The following KLRG1 variants were observed in gnomAD, a reference collection of about 807,000 sequenced individuals.
KLRG1 encodes killer cell lectin-like receptor subfamily G member 1.
In KLRG1, 16 loss-of-function variants were observed where a neutral mutation model predicts 21.8. The observed-to-expected ratio is 0.73, with a 90% confidence interval of 0.50 to 1.11. The LOEUF (loss-of-function observed/expected upper bound fraction) is 1.11. Ranked by LOEUF, KLRG1 falls within the 50% of genes most tolerant of loss-of-function variation. The pLI is 0.00. For missense variants in KLRG1, 173 were observed against 218.3 expected (o/e 0.79, Z 1.31); for synonymous variants, 69 against 75.9 (o/e 0.91, Z 0.47).
the KLRG1 span, among the ~76,000 whole-genome samples, chr12:9,197,882 TTAA>T: frequency 1.3e-4 from 16 of 122,880 alleles, no homozygotes; most frequent in African/African-American, 3.5e-4. Flanking sequence ...AATATAAATA[TTAA>T]TAATATATAA....
chr12:9,150,592 A>G, the KLRG1 span: 1 of 1,191,576 alleles, frequency 8.4e-7, no homozygotes, highest in Admixed American at 2.0e-5. Flanking sequence ...CTGTCACAAC[A>G]GGATCCATTT....
At chr12:9,205,526 T>C in the KLRG1 span, among the ~76,000 whole-genome samples, 2 of 152,134 alleles carry the variant, frequency 1.3e-5, no homozygotes, top group African/African-American at 4.8e-5. Flanking sequence ...TCCCCAAAAC[T>C]TGAATCCATA....
At chr12:9,185,790 ATTTCT>A in the KLRG1 span, among the ~76,000 whole-genome samples, 19 of 134,320 alleles carry the variant, frequency 1.4e-4, no homozygotes, top group South Asian at 9.7e-4. Context: ...TATGTTCAAC[ATTTCT>A]TTTCTTTTCT....
the KLRG1 span, chr12:9,093,643 A>G: frequency 1.2e-6 from 1 of 844,034 alleles, no homozygotes; most frequent in Non-Finnish European, 1.7e-6. Context: ...AGAGAATGTA[A>G]TAGTTGCCAC....
At chr12:9,213,414 G>A in the KLRG1 span, among the ~76,000 whole-genome samples, 1 of 152,220 alleles carries the variant, frequency 6.6e-6, no homozygotes, top group Admixed American at 6.5e-5. Flanking sequence ...ATTTTTCACA[G>A]TGGCTGAAAC....
At chr12:9,023,873 T>C in the KLRG1 span, among the ~76,000 whole-genome samples, 2 of 152,132 alleles carry the variant, frequency 1.3e-5, no homozygotes, top group African/African-American at 4.8e-5. Flanking sequence ...ATATAACTTT[T>C]ATACATGGTG....
chr12:9,153,157 T>G, the KLRG1 span: 1 of 1,614,176 alleles, frequency 6.2e-7, no homozygotes, highest in South Asian at 1.1e-5. Context: ...CCAGTTACTG[T>G]TATGACATAT....
the KLRG1 span, among the ~76,000 whole-genome samples, chr12:9,108,928 T>C: frequency 1.5e-4 from 23 of 152,330 alleles, no homozygotes; most frequent in African/African-American, 4.6e-4. Flanking sequence ...CTGTTGATGA[T>C]TGAATTTCCC....
chr12:9,157,763 C>T, the KLRG1 span: 15 of 1,612,918 alleles, frequency 9.3e-6, no homozygotes, highest in Non-Finnish European at 1.3e-5. Flanking sequence ...GAGCTGGTAC[C>T]TACAGTGACT....
At chr12:9,154,310 A>G in the KLRG1 span, among the ~76,000 whole-genome samples, 1 of 152,212 alleles carries the variant, frequency 6.6e-6, no homozygotes, top group Admixed American at 6.5e-5. Context: ...GTGGCTCGAA[A>G]TGTCAATAGT....
chr12:9,093,440 A>C, the KLRG1 span: 1 of 1,505,658 alleles, frequency 6.6e-7, no homozygotes, highest in Non-Finnish European at 9.2e-7. Context: ...ATTGTTGCAT[A>C]TTGCATATGC....
rs35591560 is a variant in KLRG1 at position 9,010,186 on chromosome 12, TAA to T, written c.*663_*664del. ...GGGAGATAGAGCAAGACTCCATCTCTAAAAAAAAAAAAAAATGCTAATGTGAG... is the reference window on the plus strand; with the variant it reads ...GGGAGATAGAGCAAGACTCCATCTCTAAAAAAAAAAAAATGCTAATGTGAG... On this transcript the variant is annotated 3_prime_UTR_variant, in exon 5 of 5. Coordinates refer to ENST00000356986, the MANE Select transcript of KLRG1 (RefSeq NM_005810.4). 0.024 allele frequency: 9,833 copies of T among 408,492 alleles called. No homozygotes were observed. Among genetic ancestry groups the T allele is most frequent in the South Asian group, 0.035 (754 of 21,484 alleles). 25.3% of individuals were successfully genotyped at this position (408,492 alleles called of 1,614,324 possible).
At chr12:9,212,225 C>T in the KLRG1 span, among the ~76,000 whole-genome samples, 1 of 152,120 alleles carries the variant, frequency 6.6e-6, no homozygotes, top group Admixed American at 6.5e-5. Context: ...CACTGGGTCC[C>T]TGAGTGGGCA....
At chr12:9,153,390 A>G in the KLRG1 span, 4,722 of 1,527,228 alleles carry the variant, frequency 3.1e-3, 129 homozygotes, top group African/African-American at 0.057. Flanking sequence ...AATTTTTGGC[A>G]TCTGGGATTT....
At chr12:9,107,499 C>G in the KLRG1 span, 1 of 1,612,690 alleles carries the variant, frequency 6.2e-7, no homozygotes, top group African/African-American at 1.3e-5. Context: ...TCGCTATTCT[C>G]TAGAAAAAAT....
At chr12:9,063,767 G>A in the KLRG1 span, among the ~76,000 whole-genome samples, 1 of 152,024 alleles carries the variant, frequency 6.6e-6, no homozygotes, top group Non-Finnish European at 1.5e-5. Flanking sequence ...TTTACTCTGC[G>A]GTGAGTTTTT....
chr12:9,095,447 T>C, the KLRG1 span: 1 of 1,259,056 alleles, frequency 7.9e-7, no homozygotes. Flanking sequence ...TACCCTCAAC[T>C]AGGACATGAA....
At chr12:9,115,263 C>G in the KLRG1 span, 1 of 154,048 alleles carries the variant, frequency 6.5e-6, no homozygotes, top group Non-Finnish European at 1.4e-5. Context: ...ACCACCTCAT[C>G]TGCAAAAGGA....
chr12:8,988,519 C>G (rs759580492), upstream of KLRG1: 1 of 152,286 alleles, frequency 6.6e-6, no homozygotes, highest in African/African-American at 2.4e-5. Context: ...CTTATGCAGT[C>G]TATCTTGATG....
Sources: allele counts gnomAD v4.1 joint callset (sites outside exome capture counted in the v4.1 genomes callset), GRCh38; gene constraint gnomAD v4.1.1; transcripts MANE v1.5; gene names NCBI Gene and HGNC (gene_info 2026-07-23, HGNC 2026-07-21).